ZRANB3: variants seen among roughly 807,000 people sequenced by gnomAD.
ZRANB3 encodes the protein zinc finger RANBP2-type containing 3.
ZRANB3 carries 125 observed loss-of-function variants against 133.8 expected under a neutral mutation model. That is an observed-to-expected ratio of 0.93 (90% CI 0.81 to 1.08). The LOEUF (loss-of-function observed/expected upper bound fraction) is 1.08. Among genes scored for constraint, ZRANB3 ranks in the 50% least tolerant of loss-of-function variants. The pLI is 0.00. For missense variants in ZRANB3, 1,229 were observed against 1,275.5 expected (o/e 0.96, Z 0.56); for synonymous variants, 387 against 432.7 (o/e 0.89, Z 1.31).
At chr2:135,421,470 ATAAAG>A (rs1280913966) in intron 2 of ZRANB3, among the ~76,000 whole-genome samples, 1 of 152,194 alleles carries the variant, frequency 6.6e-6, no homozygotes, top group Non-Finnish European at 1.5e-5. Flanking sequence ...TGAAATTTCT[ATAAAG>A]TAAAAAGTAT....
intron 2 of ZRANB3, among the ~76,000 whole-genome samples, chr2:135,425,152 G>A (rs990860095): frequency 3.3e-5 from 5 of 152,102 alleles, no homozygotes; most frequent in African/African-American, 1.2e-4. Flanking sequence ...TTTAAGACAT[G>A]CAAGGCTCTC....
intron 2 of ZRANB3, among the ~76,000 whole-genome samples, chr2:135,422,336 A>G (rs1391178897): frequency 3.3e-5 from 5 of 152,166 alleles, no homozygotes; most frequent in African/African-American, 1.2e-4. Flanking sequence ...CATGAATGAT[A>G]TATCTTGCCA....
In ZRANB3 at chr2:135,287,670, C is replaced by CTTTTTTTTTTTTT. The variant is rs59739293; in HGVS notation, c.967-11928_967-11916dup. Reference sequence around the variant, plus strand: ...GTCCTTGGTTAGGTATATTTCTTTCCTTTTTTTTTTTTTTTTTTGCAGCTA... The same window carrying CTTTTTTTTTTTTT: ...GTCCTTGGTTAGGTATATTTCTTTCCTTTTTTTTTTTTTTTTTTTTTTTTTTTTTTTGCAGCTA... On this transcript the variant is annotated intron_variant, in intron 8 of 20. Transcript: ENST00000264159. 1.3e-3 allele frequency among the ~76,000 whole-genome samples: 132 copies of CTTTTTTTTTTTTT among 98,024 alleles called. 3 individuals are homozygous for CTTTTTTTTTTTTT. Among genetic ancestry groups the CTTTTTTTTTTTTT allele is most frequent in the African/African-American group, 5.0e-3 (115 of 22,832 alleles). 64.3% of individuals were successfully genotyped at this position (98,024 alleles called of 152,430 possible).
rs557351622 is a variant in ZRANB3 at position 135,292,041 on chromosome 2, T to A, written c.967-16286A>T. On this transcript the variant is annotated intron_variant, in intron 8 of 20. Coordinates refer to ENST00000264159, the MANE Select transcript of ZRANB3 (RefSeq NM_032143.4). ...TCCAAGTCTTTGCTATTGTGAATAG[T>A]GCCGAAATAAATGTACGTGTGCATG... Among the ~76,000 whole-genome samples the A allele has an allele frequency of 7.2e-5, 11 of 152,354 alleles. No homozygotes were observed. In the South Asian group the frequency reaches 2.3e-3, roughly 32 times the overall value.
chr2:135,348,076 T>C (rs545357709), intron 5 of ZRANB3, among the ~76,000 whole-genome samples: 2 of 151,854 alleles, frequency 1.3e-5, no homozygotes, highest in Non-Finnish European at 2.9e-5. Flanking sequence ...CTGGCCAACA[T>C]GGTAAAATCC....
At chr2:135,211,690 T>G (rs1694101153) in intron 17 of ZRANB3, among the ~76,000 whole-genome samples, 1 of 142,222 alleles carries the variant, frequency 7.0e-6, no homozygotes, top group African/African-American at 2.8e-5. Flanking sequence ...GATCTTTCCT[T>G]ATTATCATAG....
chr2:135,439,003 A>G (rs1283202728), intron 2 of ZRANB3, among the ~76,000 whole-genome samples: 1 of 152,258 alleles, frequency 6.6e-6, no homozygotes, highest in East Asian at 1.9e-4. Flanking sequence ...TAATTACTAT[A>G]AAATTTAAAG....
chr2:135,345,829 TG>T (rs1321355048), intron 5 of ZRANB3, among the ~76,000 whole-genome samples, 194 bp from the exon 6 acceptor site: 2 of 152,144 alleles, frequency 1.3e-5, no homozygotes, highest in Non-Finnish European at 2.9e-5. Flanking sequence ...CATCTTTCTA[TG>T]TTGATATAAG....
chr2:135,404,513 T>C (rs1289265851), intron 2 of ZRANB3, among the ~76,000 whole-genome samples: 1 of 152,160 alleles, frequency 6.6e-6, no homozygotes, highest in East Asian at 1.9e-4. Flanking sequence ...TGGAACCAAG[T>C]TGGAAAACAC....
At chr2:135,464,905 G>A (rs1205424686) in intron 2 of ZRANB3, among the ~76,000 whole-genome samples, 1 of 152,136 alleles carries the variant, frequency 6.6e-6, no homozygotes, top group Non-Finnish European at 1.5e-5. Context: ...CAAACCACTC[G>A]AATGCCATAT....
chr2:135,239,625 T>C (rs2105080805), intron 12 of ZRANB3, among the ~76,000 whole-genome samples: 1 of 152,204 alleles, frequency 6.6e-6, no homozygotes, highest in South Asian at 2.1e-4. Flanking sequence ...TATACAGAAT[T>C]CAGATAAATA....
intron 12 of ZRANB3, among the ~76,000 whole-genome samples, chr2:135,257,923 A>T (rs1282394112): frequency 6.6e-6 from 1 of 152,190 alleles, no homozygotes; most frequent in African/African-American, 2.4e-5. Flanking sequence ...CCTCGGGCAG[A>T]TTATGTAACC....
intron 5 of ZRANB3, among the ~76,000 whole-genome samples, chr2:135,348,935 G>A (rs1052212992): frequency 6.6e-6 from 1 of 152,032 alleles, no homozygotes; most frequent in Non-Finnish European, 1.5e-5. Context: ...TGAAGGATAC[G>A]TTTCATGATT....
intron 1 of ZRANB3, among the ~76,000 whole-genome samples, chr2:135,514,618 G>A (rs188948824): frequency 2.8e-4 from 43 of 152,004 alleles, no homozygotes; most frequent in African/African-American, 4.8e-4. Context: ...CTTCCTATCC[G>A]AATATCTTTT....
At chr2:135,508,954 T>A (rs989058183) in intron 1 of ZRANB3, among the ~76,000 whole-genome samples, 1 of 150,912 alleles carries the variant, frequency 6.6e-6, no homozygotes, top group Non-Finnish European at 1.5e-5. Context: ...AGGTTTAACT[T>A]AAAAGGTTTT....
intron 6 of ZRANB3, among the ~76,000 whole-genome samples, chr2:135,325,009 A>T (rs1347045962): frequency 6.6e-6 from 1 of 152,210 alleles, no homozygotes; most frequent in Non-Finnish European, 1.5e-5. Flanking sequence ...TTTTTAATTA[A>T]ATAAATGGAA....
At chr2:135,354,156 C>T (rs902600289) in intron 3 of ZRANB3, among the ~76,000 whole-genome samples, 1 of 152,066 alleles carries the variant, frequency 6.6e-6, no homozygotes, top group Non-Finnish European at 1.5e-5. Flanking sequence ...GACAAAATTA[C>T]TCCTAAGGTT....
chr2:135,431,119 A>T (rs1003878417), intron 2 of ZRANB3, among the ~76,000 whole-genome samples: 1 of 151,056 alleles, frequency 6.6e-6, no homozygotes, highest in Non-Finnish European at 1.5e-5. Flanking sequence ...TAAAAAAAAA[A>T]AAAATAAATA....
At chr2:135,277,204 G>A (rs920834708) in intron 8 of ZRANB3, among the ~76,000 whole-genome samples, 2 of 152,158 alleles carry the variant, frequency 1.3e-5, no homozygotes, top group Non-Finnish European at 2.9e-5. Context: ...TCAGGCAAGA[G>A]AGCAGAATCA....
Sources: allele counts gnomAD v4.1 joint callset (sites outside exome capture counted in the v4.1 genomes callset), GRCh38; gene constraint gnomAD v4.1.1; transcripts MANE v1.5; gene names NCBI Gene and HGNC (gene_info 2026-07-23, HGNC 2026-07-21).